IQCM: variants seen among roughly 807,000 people sequenced by gnomAD.
IQCM encodes the protein IQ motif containing M.
IQCM carries 45 observed loss-of-function variants against 57.6 expected under a neutral mutation model. The ratio of observed to expected loss-of-function variants is 0.78; its 90% CI spans 0.62 to 1.00. IQCM has a LOEUF of 1.00. Ranked by LOEUF, IQCM falls within the 50% of genes least tolerant of loss-of-function variation. The probability of loss-of-function intolerance (pLI) is 0.00; values close to 1 mark genes in which losing one functional copy is unlikely to be tolerated. For missense variants in IQCM, 468 were observed against 511.6 expected (o/e 0.91, Z 0.82); for synonymous variants, 148 against 158.9 (o/e 0.93, Z 0.51).
chr4:149,406,999 T>C (rs1733024159), intron 13 of IQCM, among the ~76,000 whole-genome samples: 1 of 151,662 alleles, frequency 6.6e-6, no homozygotes, highest in African/African-American at 2.4e-5. Context: ...TGGGGAGGCC[T>C]CATGATCATG....
chr4:149,369,705 T>A (rs1215127915), intron 13 of IQCM, among the ~76,000 whole-genome samples: 1 of 152,156 alleles, frequency 6.6e-6, no homozygotes, highest in Admixed American at 6.5e-5. Context: ...TTCTGATATA[T>A]GTGCACAATG....
chr4:149,444,334 C>A (rs1224507767), intron 12 of IQCM, among the ~76,000 whole-genome samples: 4 of 151,796 alleles, frequency 2.6e-5, no homozygotes, highest in Non-Finnish European at 4.4e-5. Flanking sequence ...ATTTATCAAT[C>A]AGATTATCTA....
intron 2 of IQCM, chr4:149,748,855 T>A (rs2149928311): frequency 6.6e-6 from 1 of 152,272 alleles, no homozygotes; most frequent in East Asian, 1.9e-4. Flanking sequence ...AGTCCATGTA[T>A]CATCCACAAT....
rs1353183878 is a variant in IQCM at position 149,548,530 on chromosome 4, G to A, written c.1153C>T (p.Pro385Ser). ...TGACCACAGTCACTGAAGAAATTGG[G>A]GAGCTCATTTCTTTCAATTTTTGGC... The part of the protein sequence containing the change: ...DWPKIERNEL[P>S]NFFSDCGHFP... The change falls in exon 12 of 14, where the codon CCC becomes TCC. Residue 385 changes from proline (P) to serine (S), a missense_variant. By Grantham distance (74) the Pro-to-Ser change is moderately conservative (BLOSUM62 -1). Coordinates refer to ENST00000636793, the MANE Select transcript of IQCM (RefSeq NM_001363507.2). 2 of 1,230,780 alleles carry A rather than the reference G, an allele frequency of 1.6e-6. No homozygotes were observed. Among genetic ancestry groups the A allele is most frequent in the African/African-American group, 1.6e-5 (1 of 64,486 alleles). 76.2% of individuals were successfully genotyped at this position (1,230,780 alleles called of 1,614,324 possible). A position where few individuals can be genotyped will look rare whatever the true frequency, so the allele number is the denominator to read the frequency against.
At chr4:149,812,457 ATCTCTCTC>A in intron 2 of IQCM, among the ~76,000 whole-genome samples, 1 of 139,704 alleles carries the variant, frequency 7.2e-6, no homozygotes, top group South Asian at 2.3e-4. Context: ...TACCTTCTAG[ATCTCTCTC>A]TCTCTCTCTC....
In IQCM at chr4:149,712,346, T is replaced by TCA. The variant is rs35704697; in HGVS notation, c.385+20896_385+20897dup. Among the ~76,000 whole-genome samples the TCA allele has an allele frequency of 4.5e-3, 662 of 147,860 alleles. 4 individuals carry two copies. The highest frequency in any genetic ancestry group is 0.014 in the Middle Eastern group (4 of 290). On this transcript the variant is annotated intron_variant, in intron 5 of 13. Transcript: ENST00000636793. ...GCAGATACTGTCATACTGTCAATGT[T>TCA]CACACACACACACACACACACACAA... is the stretch of plus-strand genomic sequence containing the variant.
At chr4:149,804,475 A>G (rs1423537519) in intron 2 of IQCM, among the ~76,000 whole-genome samples, 1 of 151,982 alleles carries the variant, frequency 6.6e-6, no homozygotes, top group African/African-American at 2.4e-5. Flanking sequence ...CAGTTTACAG[A>G]GTGACAGACT....
chr4:149,698,879 T>C (rs745896403), intron 5 of IQCM, among the ~76,000 whole-genome samples: 12 of 152,080 alleles, frequency 7.9e-5, no homozygotes, highest in Non-Finnish European at 1.6e-4. Flanking sequence ...GAGCTCAGCT[T>C]CGTCTTTTGT....
intron 12 of IQCM, among the ~76,000 whole-genome samples, chr4:149,508,468 C>T (rs188952577): frequency 3.3e-4 from 51 of 152,290 alleles, no homozygotes; most frequent in Admixed American, 9.1e-4. Context: ...TGAGACATGG[C>T]GTCAAAGGAG....
chr4:149,460,364 T>G (rs1308241171), intron 12 of IQCM, among the ~76,000 whole-genome samples: 7 of 152,222 alleles, frequency 4.6e-5, no homozygotes, highest in Non-Finnish European at 5.9e-5. Context: ...TTTTTTGGGT[T>G]GTCTTCTTAC....
At chr4:149,766,022 T>G (rs1770016788) in intron 2 of IQCM, among the ~76,000 whole-genome samples, 1 of 152,030 alleles carries the variant, frequency 6.6e-6, no homozygotes, top group African/African-American at 2.4e-5. Context: ...AGCCTCTGAG[T>G]TCTCAGGGAG....
At chr4:149,487,979 C>T (rs1157651450) in intron 12 of IQCM, among the ~76,000 whole-genome samples, 1 of 151,992 alleles carries the variant, frequency 6.6e-6, no homozygotes, top group African/African-American at 2.4e-5. Flanking sequence ...TTTGGTGTTC[C>T]AGCAGGGGGT....
chr4:149,512,305 G>A (rs547353812), intron 12 of IQCM, among the ~76,000 whole-genome samples: 5 of 152,208 alleles, frequency 3.3e-5, no homozygotes, highest in African/African-American at 9.6e-5. Context: ...CAAAGAAAGT[G>A]GAGAAAATGG....
intron 2 of IQCM, chr4:149,790,122 C>A: frequency 1.5e-6 from 1 of 669,260 alleles, no homozygotes; most frequent in Non-Finnish European, 2.4e-6. Flanking sequence ...CCCTTATTTA[C>A]TCTATGGCAG....
intron 5 of IQCM, among the ~76,000 whole-genome samples, chr4:149,704,476 G>C (rs1211106762): frequency 6.6e-6 from 1 of 151,860 alleles, no homozygotes; most frequent in Non-Finnish European, 1.5e-5. Flanking sequence ...TTGTGACAGA[G>C]ATCATACGGC....
intron 5 of IQCM, among the ~76,000 whole-genome samples, chr4:149,705,352 T>C (rs1233580417): frequency 1.3e-5 from 2 of 150,770 alleles, no homozygotes; most frequent in Non-Finnish European, 3.0e-5. Context: ...GGGCTGACTA[T>C]AGCATGACAG....
chr4:149,552,921 A>AT (rs1749172390), intron 11 of IQCM, among the ~76,000 whole-genome samples: 2 of 152,204 alleles, frequency 1.3e-5, no homozygotes, highest in African/African-American at 4.8e-5. Flanking sequence ...CTCCTGTTAA[A>AT]TTTCCTTTTT....
At chr4:149,600,891 T>A (rs1413510065) in intron 8 of IQCM, among the ~76,000 whole-genome samples, 1 of 152,174 alleles carries the variant, frequency 6.6e-6, no homozygotes, top group East Asian at 1.9e-4. Flanking sequence ...TCAGGACAAT[T>A]TTGACATCAA....
chr4:149,592,030 A>G lies in IQCM; in HGVS notation c.682-4033T>C, dbSNP rs1014308880. ...CTAGATCTTTGAGGAATCGCCACAC[A>G]TTGTCTTCCACAATGGTTGAGTTAG... is the stretch of plus-strand genomic sequence containing the variant. On this transcript the variant is annotated intron_variant, in intron 8 of 13. Transcript: ENST00000636793. Among the ~76,000 whole-genome samples the G allele has an allele frequency of 9.2e-5, 14 of 152,022 alleles. 1 individual carries two copies. The highest frequency in any genetic ancestry group is 3.1e-4 in the African/African-American group (13 of 41,414).
Sources: allele counts gnomAD v4.1 joint callset (sites outside exome capture counted in the v4.1 genomes callset), GRCh38; gene constraint gnomAD v4.1.1; transcripts MANE v1.5; gene names NCBI Gene and HGNC (gene_info 2026-07-23, HGNC 2026-07-21).